The following LRRC32 variants were observed in gnomAD, a reference collection of about 807,000 sequenced individuals.
LRRC32 encodes transforming growth factor beta activator LRRC32.
In LRRC32, 5 loss-of-function variants were observed where a neutral mutation model predicts 15.0. The observed-to-expected ratio is 0.33, with a 90% CI of 0.17 to 0.70. LRRC32 has a LOEUF of 0.70. Ranked by LOEUF, LRRC32 falls within the 30% of genes least tolerant of loss-of-function variation. The pLI, the probability that LRRC32 is intolerant of heterozygous loss-of-function variation, is 0.66. For missense variants in LRRC32, 803 were observed against 854.2 expected (o/e 0.94, Z 0.75); for synonymous variants, 391 against 403.9 (o/e 0.97, Z 0.38).
In LRRC32 at chr11:76,661,513, G is replaced by T. The variant is rs1280413144; in HGVS notation, c.85-5C>A. The stretch of plus-strand genomic sequence containing the variant: ...GCACGAGACCTTCTTGTCCACCTGG[G>T]GAGGGGTAGGGTGGGGAGACAGCTG... On this transcript the variant is annotated splice_region_variant and splice_polypyrimidine_tract_variant and intron_variant, in intron 2 of 2. Coordinates refer to ENST00000260061, the MANE Select transcript of LRRC32 (RefSeq NM_001128922.2). 6.3e-7 allele frequency: 1 copy of T among 1,586,302 alleles called. No homozygotes were observed. Among genetic ancestry groups the T allele is most frequent in the South Asian group, 1.1e-5 (1 of 87,290 alleles).
In LRRC32 at chr11:76,658,564, A is replaced by G. The variant is rs1952452633; in HGVS notation, c.*1040T>C. The G allele has an allele frequency of 2.0e-5, 3 of 151,930 alleles. No individual in the cohort carries two copies. Among genetic ancestry groups the G allele is most frequent in the African/African-American group, 7.3e-5 (3 of 41,068 alleles). 9.4% of individuals were successfully genotyped at this position (151,930 alleles called of 1,614,324 possible). A position where few individuals can be genotyped will look rare whatever the true frequency, so the allele number is the denominator to read the frequency against. On this transcript the variant is annotated 3_prime_UTR_variant, in exon 3 of 3. Transcript: ENST00000260061. ...ATCAGGCCCTGGAGACAGAAGGATG[A>G]AGGTTTGAATCTCACCTATGGCATT... is the stretch of plus-strand genomic sequence containing the variant.
chr11:76,660,133 C>A lies in LRRC32; in HGVS notation c.1460G>T (p.Gly487Val). The change falls in exon 3 of 3, where the codon GGA becomes GTA. Residue 487 changes from glycine to valine, a missense_variant. Coordinates refer to ENST00000260061, the MANE Select transcript of LRRC32 (RefSeq NM_001128922.2). ...PGLEVATGAL[G>V]GLEASLEVLA... ...GACCTCCAAGGAGGCCTCCAGGCCTCCCAAGGCCCCCGTGGCCACCTCCAG... is the reference window on the plus strand; with the variant it reads ...GACCTCCAAGGAGGCCTCCAGGCCTACCAAGGCCCCCGTGGCCACCTCCAG... The A allele has an allele frequency of 6.2e-7, 1 of 1,608,802 alleles. No homozygotes were observed. Among genetic ancestry groups the A allele is most frequent in the Non-Finnish European group, 8.5e-7 (1 of 1,177,592 alleles).
rs552048452 is a variant in LRRC32 at position 76,667,877 on chromosome 11, C to T, written c.-4-1919G>A. ...CACTGCCCCAAACCTTCACTTTCTC[C>T]CCTCTCCTCTTCTGCTAAAGACCTC... On this transcript the variant is annotated intron_variant, in intron 1 of 2. Transcript: ENST00000260061. Among the ~76,000 whole-genome samples, 8 of 152,358 alleles carry T rather than the reference C, an allele frequency of 5.3e-5. No homozygotes were observed. In the East Asian group the frequency reaches 1.5e-3, roughly 29 times the overall value.
rs188308227 is a variant in LRRC32, at chr11:76,666,498, G to C, written c.-4-540C>G. ...TTTTCCTTTTGATTCTCTGATTCTC[G>C]AGCCCTTGCCATTGTTCAAGGGCTG... is the stretch of plus-strand genomic sequence containing the variant. On this transcript the variant is annotated intron_variant, in intron 1 of 2. Transcript: ENST00000260061. 3.7e-4 allele frequency among the ~76,000 whole-genome samples: 57 copies of C among 152,262 alleles called. 1 individual carries two copies. Among genetic ancestry groups the C allele is most frequent in the African/African-American group, 1.3e-3 (53 of 41,546 alleles).
At chr11:76,662,477 G>T (rs1297648763) in intron 2 of LRRC32, among the ~76,000 whole-genome samples, 1 of 152,140 alleles carries the variant, frequency 6.6e-6, no homozygotes, top group Non-Finnish European at 1.5e-5. Context: ...GGGAAGGGAG[G>T]TGCCAGGATT....
At chr11:76,669,342 AGAATGTGTGT>A (rs1952673394) in intron 1 of LRRC32, among the ~76,000 whole-genome samples, 1 of 133,430 alleles carries the variant, frequency 7.5e-6, no homozygotes, top group Admixed American at 7.2e-5. Context: ...AAAGTGCCAA[AGAATGTGTGT>A]GTGTGTGTGT....
intron 1 of LRRC32, among the ~76,000 whole-genome samples, chr11:76,668,138 C>A (rs1182532240): frequency 1.3e-5 from 2 of 152,038 alleles, no homozygotes; most frequent in Non-Finnish European, 2.9e-5. Flanking sequence ...AGAAAACCGA[C>A]ACTAGGAGTC....
In LRRC32 at chr11:76,658,612, A is replaced by T. The variant is rs1952453758; in HGVS notation, c.*992T>A. 1 of 152,526 alleles carries T rather than the reference A, an allele frequency of 6.6e-6. No homozygotes were observed. Among genetic ancestry groups the T allele is most frequent in the African/African-American group, 2.4e-5 (1 of 41,464 alleles). 9.4% of individuals were successfully genotyped at this position (152,526 alleles called of 1,614,324 possible). The stretch of plus-strand genomic sequence containing the variant: ...ATTAGTTAGCTGGGGCCCTGGAAGG[A>T]GATTTTCAGAACTTCAGTTTCCTCT... On this transcript the variant is annotated 3_prime_UTR_variant, in exon 3 of 3. Transcript: ENST00000260061.
chr11:76,659,828 G>A lies in LRRC32; in HGVS notation c.1765C>T (p.Arg589Cys), dbSNP rs781535661. The A allele has an allele frequency of 3.1e-6, 5 of 1,614,006 alleles. No individual in the cohort carries two copies. The highest frequency in any genetic ancestry group is 1.3e-5 in the African/African-American group (1 of 74,946). ...GWLAAQLHQG[R>C]VDVDATQDLI... ...TCCTGGGTGGCGTCCACGTCCACACGGCCCTGGTGCAGCTGGGCTGCCAGC... is the reference window on the plus strand; with the variant it reads ...TCCTGGGTGGCGTCCACGTCCACACAGCCCTGGTGCAGCTGGGCTGCCAGC... Residue 589 changes from arginine (R) to cysteine (C), a missense_variant, in exon 3 of 3, where the codon CGT becomes TGT. Physicochemically the swap from Arg to Cys is radical, Grantham distance 180. Transcript: ENST00000260061.
At position 76,657,916 on chromosome 11, in the gene LRRC32, G is replaced by A. The variant is rs1952441241; in HGVS notation, c.*1688C>T. On this transcript the variant is annotated 3_prime_UTR_variant, in exon 3 of 3. Transcript: ENST00000260061. The stretch of plus-strand genomic sequence containing the variant: ...GAGCCAGACTGTGGGCCAAGCACAG[G>A]TAAGATGATGAAGACAGCAAAACAA... 6.6e-6 allele frequency: 1 copy of A among 152,382 alleles called. No homozygotes were observed. The highest frequency in any genetic ancestry group is 6.5e-5 in the Admixed American group (1 of 15,284). 9.4% of individuals were successfully genotyped at this position (152,382 alleles called of 1,614,324 possible). A position where few individuals can be genotyped will look rare whatever the true frequency, so the allele number is the denominator to read the frequency against.
In LRRC32 at chr11:76,661,509, C is replaced by A; in HGVS notation, c.85-1G>T. The A allele has an allele frequency of 6.6e-7, 1 of 1,522,870 alleles. No homozygotes were observed. Among genetic ancestry groups the A allele is most frequent in the Non-Finnish European group, 8.9e-7 (1 of 1,120,598 alleles). 94.3% of individuals were successfully genotyped at this position (1,522,870 alleles called of 1,614,324 possible). Reference sequence around the variant, plus strand: ...CCTGGCACGAGACCTTCTTGTCCACCTGGGGAGGGGTAGGGTGGGGAGACA... The same window carrying A: ...CCTGGCACGAGACCTTCTTGTCCACATGGGGAGGGGTAGGGTGGGGAGACA... On this transcript the variant is annotated splice_acceptor_variant, in intron 2 of 2. Coordinates refer to ENST00000260061, the MANE Select transcript of LRRC32 (RefSeq NM_001128922.2). LOFTEE classifies it high-confidence loss of function.
intron 1 of LRRC32, among the ~76,000 whole-genome samples, chr11:76,669,216 T>TCGCAGGG (rs988545691): frequency 1.3e-5 from 2 of 152,140 alleles, no homozygotes; most frequent in African/African-American, 4.8e-5. Flanking sequence ...ACAGTGACCC[T>TCGCAGGG]CGCAGGGCTG....
intron 1 of LRRC32, among the ~76,000 whole-genome samples, chr11:76,669,376 TGTGTGTGTGTGA>T (rs1161017919): frequency 5.0e-4 from 75 of 148,792 alleles, no homozygotes; most frequent in Non-Finnish European, 7.9e-4. Context: ...TGTGTGTGTG[TGTGTGTGTGTGA>T]GAGAGAGAGA....
rs116296753 is a variant in LRRC32, at chr11:76,668,972, C to G, written c.-5+1642G>C. On this transcript the variant is annotated intron_variant, in intron 1 of 2. Coordinates refer to ENST00000260061, the MANE Select transcript of LRRC32 (RefSeq NM_001128922.2). ...CAGGGTGTAGCATTTAAAGACTACTCTCTCTCAAAAAGGAGGACGGTGTCA... is the reference window on the plus strand; with the variant it reads ...CAGGGTGTAGCATTTAAAGACTACTGTCTCTCAAAAAGGAGGACGGTGTCA... 3.9e-3 allele frequency among the ~76,000 whole-genome samples: 588 copies of G among 152,312 alleles called. 4 individuals are homozygous for G. Among genetic ancestry groups the G allele is most frequent in the African/African-American group, 0.014 (563 of 41,566 alleles).
At chr11:76,670,393 C>T (rs1952692439) in intron 1 of LRRC32, among the ~76,000 whole-genome samples, 1 of 152,234 alleles carries the variant, frequency 6.6e-6, no homozygotes, top group Non-Finnish European at 1.5e-5. Flanking sequence ...GGAAGGCCGG[C>T]CTCACCCCTT....
At chr11:76,669,404 TGAGAGA>T (rs1262192654) in intron 1 of LRRC32, among the ~76,000 whole-genome samples, 3 of 117,300 alleles carry the variant, frequency 2.6e-5, no homozygotes, top group East Asian at 5.1e-4. Flanking sequence ...AGAGAGAGAG[TGAGAGA>T]GAAAGAGCAG....
chr11:76,659,847 T>A lies in LRRC32; in HGVS notation c.1746A>T (p.Ala582=), dbSNP rs775757437. ...PLSCCGNGWL[A]AQLHQGRVDV... ...CCACACGGCCCTGGTGCAGCTGGGC[T>A]GCCAGCCAGCCATTGCCGCAGCAGC... The change falls in exon 3 of 3, where the codon GCA becomes GCT. Residue 582 remains alanine (A), a synonymous_variant. Coordinates refer to ENST00000260061, the MANE Select transcript of LRRC32 (RefSeq NM_001128922.2). The A allele has an allele frequency of 1.2e-5, 19 of 1,613,614 alleles. No homozygotes were observed. Among genetic ancestry groups the A allele is most frequent in the Non-Finnish European group, 1.6e-5 (19 of 1,179,914 alleles).
At position 76,658,657 on chromosome 11, in the gene LRRC32, A is replaced by C. The variant is rs2120028213; in HGVS notation, c.*947T>G. 6.5e-6 allele frequency: 1 copy of C among 152,852 alleles called. No homozygotes were observed. The highest frequency in any genetic ancestry group is 2.1e-4 in the South Asian group (1 of 4,830). The allele number at this position is 152,852 out of a possible 1,614,324, so 9.5% of individuals were successfully genotyped here. A position where few individuals can be genotyped will look rare whatever the true frequency, so the allele number is the denominator to read the frequency against. ...TCCTCTTTTATAAAACGGGGATAAA[A>C]TATAGAGCTGTCACATAGGGGCAGA... On this transcript the variant is annotated 3_prime_UTR_variant, in exon 3 of 3. Transcript: ENST00000260061.
chr11:76,660,186 A>G lies in LRRC32; in HGVS notation c.1407T>C (p.Thr469=). The G allele has an allele frequency of 6.3e-7, 1 of 1,591,896 alleles. No homozygotes were observed. The highest frequency in any genetic ancestry group is 8.6e-7 in the Non-Finnish European group (1 of 1,169,454). Reference sequence around the variant, plus strand: ...CAGGATTGGAAGAAAGGTCCAGCTCAGTCAGTGGGGTGTGGAGGAAGGCCC... The same window carrying G: ...CAGGATTGGAAGAAAGGTCCAGCTCGGTCAGTGGGGTGTGGAGGAAGGCCC... ...RAGAFLHTPL[T]ELDLSSNPGL... The change falls in exon 3 of 3, where the codon ACT becomes ACC. Residue 469 remains threonine (T), a synonymous_variant. Coordinates refer to ENST00000260061, the MANE Select transcript of LRRC32 (RefSeq NM_001128922.2).
Sources: allele counts gnomAD v4.1 joint callset (sites outside exome capture counted in the v4.1 genomes callset), GRCh38; gene constraint gnomAD v4.1.1; transcripts MANE v1.5; gene names NCBI Gene and HGNC (gene_info 2026-07-23, HGNC 2026-07-21).